Variants in SLC24A3 observed in about 807,000 individuals in gnomAD.
The protein encoded by SLC24A3 is solute carrier family 24 member 3.
SLC24A3 carries 28 observed loss-of-function variants against 75.8 expected under a neutral mutation model. That is an observed-to-expected ratio of 0.37 (90% CI 0.27 to 0.51). The LOEUF is 0.51. Among genes scored for constraint, SLC24A3 ranks in the 20% least tolerant of loss-of-function variants. The pLI, the probability that SLC24A3 is intolerant of heterozygous loss-of-function variation, is 0.94. For missense variants in SLC24A3, 663 were observed against 847.8 expected (o/e 0.78, Z 2.71); for synonymous variants, 372 against 334.1 (o/e 1.11, Z -1.24).
intron 2 of SLC24A3, among the ~76,000 whole-genome samples, chr20:19,319,229 T>C (rs1984651678): frequency 6.6e-6 from 1 of 152,226 alleles, no homozygotes; most frequent in Admixed American, 6.5e-5. Flanking sequence ...AGGACACTGG[T>C]AGGGGCTGGC....
chr20:19,613,970 C>T (rs2031704061), intron 6 of SLC24A3, among the ~76,000 whole-genome samples: 2 of 152,196 alleles, frequency 1.3e-5, no homozygotes, highest in South Asian at 2.1e-4. Context: ...TGTCCTGGCG[C>T]AGACTGTTGA....
chr20:19,492,336 A>T (rs1354346260), intron 2 of SLC24A3, among the ~76,000 whole-genome samples: 1 of 152,208 alleles, frequency 6.6e-6, no homozygotes, highest in East Asian at 1.9e-4. Flanking sequence ...GGCCTTGGGC[A>T]GATTATTTTC....
chr20:19,637,284 G>C (rs978802932), intron 6 of SLC24A3, among the ~76,000 whole-genome samples: 1 of 152,222 alleles, frequency 6.6e-6, no homozygotes, highest in South Asian at 2.1e-4. Context: ...CTGGGCAACA[G>C]AGCAAGACTC....
chr20:19,684,464 TTTCCTAATC>T, intron 11 of SLC24A3, 128 bp downstream of exon 11: 1 of 1,101,546 alleles, frequency 9.1e-7, no homozygotes, highest in South Asian at 1.7e-5. Flanking sequence ...CCCTCAGCCA[TTTCCTAATC>T]TTAGTTCCCT....
intron 3 of SLC24A3, among the ~76,000 whole-genome samples, chr20:19,516,836 C>T (rs1438398562): frequency 6.6e-6 from 1 of 152,220 alleles, no homozygotes; most frequent in African/African-American, 2.4e-5. Context: ...CAACCCACAG[C>T]TGGAGCAGGT....
intron 2 of SLC24A3, among the ~76,000 whole-genome samples, chr20:19,468,783 C>T (rs6046118): frequency 6.6e-5 from 10 of 152,090 alleles, no homozygotes; most frequent in Admixed American, 2.0e-4. Context: ...TTGGGTTTAA[C>T]CATGGCCTGA....
chr20:19,499,618 G>A (rs1988354114), intron 2 of SLC24A3, among the ~76,000 whole-genome samples: 1 of 152,052 alleles, frequency 6.6e-6, no homozygotes, highest in Non-Finnish European at 1.5e-5. Context: ...AATCTTATTT[G>A]TGAGGGCTCC....
chr20:19,515,940 A>G (rs1440598307), intron 3 of SLC24A3, among the ~76,000 whole-genome samples: 1 of 152,078 alleles, frequency 6.6e-6, no homozygotes, highest in Non-Finnish European at 1.5e-5. Flanking sequence ...GTTTTCCTCC[A>G]TGCTATCTGC....
At chr20:19,657,959 T>G (rs535688280) in intron 7 of SLC24A3, among the ~76,000 whole-genome samples, 1 of 152,318 alleles carries the variant, frequency 6.6e-6, no homozygotes, top group Admixed American at 6.5e-5. Context: ...ATTACCAACC[T>G]TCCCAAACAA....
chr20:19,263,427 T>C (rs767861016), intron 1 of SLC24A3, among the ~76,000 whole-genome samples: 3 of 152,152 alleles, frequency 2.0e-5, no homozygotes, highest in Non-Finnish European at 4.4e-5. Context: ...GTCAGGAGTC[T>C]GAAAAATAAA....
intron 3 of SLC24A3, among the ~76,000 whole-genome samples, chr20:19,574,735 C>T (rs1458199563): frequency 1.3e-5 from 2 of 152,216 alleles, no homozygotes; most frequent in African/African-American, 4.8e-5. Flanking sequence ...TTACTTCTCA[C>T]AACAGCCTTG....
chr20:19,671,461 C>CTCT (rs1348322661), intron 8 of SLC24A3, among the ~76,000 whole-genome samples: 1 of 152,084 alleles, frequency 6.6e-6, no homozygotes, highest in Non-Finnish European at 1.5e-5. Context: ...TGAAAAATGA[C>CTCT]CTAGGGAGGG....
rs538148916 is a variant in SLC24A3 at position 19,517,956 on chromosome 20, TA to T, written c.348+2394del. The stretch of plus-strand genomic sequence containing the variant: ...TCTTGTTATCCTACCCACTAGAATA[TA>T]AGCCCCTACCACCAGAATGTAAGCC... On this transcript the variant is annotated intron_variant, in intron 3 of 16. Transcript: ENST00000328041. 5.4e-3 allele frequency among the ~76,000 whole-genome samples: 821 copies of T among 152,248 alleles called. 2 individuals are homozygous for T. Among genetic ancestry groups the T allele is most frequent in the Middle Eastern group, 0.01 (3 of 294 alleles).
At chr20:19,530,522 C>T (rs1374292425) in intron 3 of SLC24A3, among the ~76,000 whole-genome samples, 1 of 152,202 alleles carries the variant, frequency 6.6e-6, no homozygotes, top group African/African-American at 2.4e-5. Flanking sequence ...ACCAGCTCTA[C>T]GACCTTCAAT....
chr20:19,691,796 T>C (rs1414149262), intron 12 of SLC24A3, among the ~76,000 whole-genome samples: 2 of 152,170 alleles, frequency 1.3e-5, no homozygotes, highest in African/African-American at 4.8e-5. Flanking sequence ...CATCCTAATA[T>C]CATCTCATTT....
intron 2 of SLC24A3, among the ~76,000 whole-genome samples, chr20:19,433,062 T>C (rs1485928407): frequency 1.3e-5 from 2 of 152,206 alleles, no homozygotes; most frequent in Non-Finnish European, 2.9e-5. Context: ...CCAGTTAAGA[T>C]ATAGATATTT....
chr20:19,622,025 T>C (rs1380210479), intron 6 of SLC24A3, among the ~76,000 whole-genome samples: 1 of 152,176 alleles, frequency 6.6e-6, no homozygotes, highest in African/African-American at 2.4e-5. Flanking sequence ...GGTGATGGGT[T>C]CTGAGGAGCT....
At chr20:19,565,095 A>G (rs4814868) in intron 3 of SLC24A3, among the ~76,000 whole-genome samples, 151,022 of 152,342 alleles carry the variant, frequency 0.99, 74,868 homozygotes, top group Middle Eastern at 1. Context: ...GTGTGCCAAC[A>G]CACCCGGCTT....
intron 6 of SLC24A3, among the ~76,000 whole-genome samples, chr20:19,637,209 G>A (rs1268571503): frequency 3.3e-5 from 5 of 152,278 alleles, no homozygotes. Context: ...GCTGAGGCAG[G>A]TGAATCGCTT....
Sources: allele counts gnomAD v4.1 joint callset (sites outside exome capture counted in the v4.1 genomes callset), GRCh38; gene constraint gnomAD v4.1.1; transcripts MANE v1.5; gene names NCBI Gene and HGNC (gene_info 2026-07-23, HGNC 2026-07-21).